The following SMS variants were observed in gnomAD, a reference collection of about 807,000 sequenced individuals.
The protein encoded by SMS is spermidine aminopropyltransferase.
Under a neutral mutation model 33.0 loss-of-function variants are expected in SMS, and 3 were observed. The observed-to-expected ratio is 0.09, with a 90% CI of 0.04 to 0.23. The LOEUF is 0.23. Among genes scored for constraint, SMS ranks in the 10% least tolerant of loss-of-function variants. SMS has a pLI of 1.00. For missense variants in SMS, 117 were observed against 288.6 expected, an observed-to-expected ratio of 0.41 and a Z score of 4.31; for synonymous variants, 103 against 112.2, an observed-to-expected ratio of 0.92 and a Z score of 0.52.
intron 10 of SMS, among the ~76,000 whole-genome samples, chrX:21,993,464 C>T (rs1193590432): frequency 8.9e-6 from 1 of 112,699 alleles, no homozygotes; most frequent in Non-Finnish European, 1.9e-5. Context: ...TGACGGCTTC[C>T]TTATCTGCTG....
intron 1 of SMS, among the ~76,000 whole-genome samples, chrX:21,943,832 TAG>T (rs1433193740): frequency 8.9e-6 from 1 of 111,797 alleles, no homozygotes; most frequent in Non-Finnish European, 1.9e-5. Context: ...ACTTAGTTTT[TAG>T]TAAGGGGAAC....
chrX:21,972,082 T>A, intron 3 of SMS, 92 bp downstream of exon 3: 1 of 638,562 alleles, frequency 1.6e-6, no homozygotes, highest in Non-Finnish European at 2.6e-6. Context: ...TTGCTTACTT[T>A]CCAGTTAATT....
intron 4 of SMS, among the ~76,000 whole-genome samples, chrX:21,976,538 A>G (rs1383178554): frequency 2.7e-5 from 3 of 109,139 alleles, no homozygotes; most frequent in Non-Finnish European, 5.7e-5. Flanking sequence ...TATCAGTGTC[A>G]TGAAACATAC....
chrX:21,982,055 C>T lies in SMS; in HGVS notation c.751-2249C>T, dbSNP rs781761298. ...CTGTAAAAAGTACCACAAGACAGGC[C>T]GGGCGCGGTGGCTCACACCTGTAAT... On this transcript the variant is annotated intron_variant, in intron 7 of 10. Transcript: ENST00000404933. 1.4e-3 allele frequency among the ~76,000 whole-genome samples: 154 copies of T among 110,043 alleles called. 1 individual carries two copies. Among genetic ancestry groups the T allele is most frequent in the Non-Finnish European group, 1.2e-3 (63 of 52,712 alleles).
chrX:21,972,423 A>G (rs928055419), intron 3 of SMS, 84 bp from the exon 4 acceptor site: 1 of 622,553 alleles, frequency 1.6e-6, no homozygotes, highest in African/African-American at 2.2e-5. Flanking sequence ...AGCTCTGTCA[A>G]CATGGCCTCA....
At chrX:21,957,611 T>C (rs1923060350) in intron 1 of SMS, among the ~76,000 whole-genome samples, 1 of 112,144 alleles carries the variant, frequency 8.9e-6, no homozygotes, top group East Asian at 2.8e-4. Context: ...TGGCTTTTTT[T>C]CCTCTGGGTA....
chrX:21,941,346 C>T (rs1249476491), intron 1 of SMS: 1 of 246,591 alleles, frequency 4.1e-6, no homozygotes, highest in African/African-American at 3.0e-5. Flanking sequence ...CCCGCGCGAC[C>T]TTTTCCTGTT....
chrX:21,962,852 A>G (rs961552670), intron 1 of SMS, among the ~76,000 whole-genome samples: 1 of 109,580 alleles, frequency 9.1e-6, no homozygotes, highest in African/African-American at 3.3e-5. Flanking sequence ...GACAGATTTT[A>G]CCACGTTGCC....
intron 2 of SMS, among the ~76,000 whole-genome samples, chrX:21,970,997 G>A (rs1443403738): frequency 9.1e-6 from 1 of 109,844 alleles, no homozygotes; most frequent in African/African-American, 3.3e-5. Context: ...AGGAGTTCAA[G>A]ACCCACCTGG....
At chrX:21,963,392 A>G (rs921735672) in intron 1 of SMS, among the ~76,000 whole-genome samples, 1 of 112,357 alleles carries the variant, frequency 8.9e-6, no homozygotes, top group East Asian at 2.8e-4. Context: ...GCACAAATGA[A>G]TAGGGCTTGT....
intron 2 of SMS, among the ~76,000 whole-genome samples, chrX:21,968,855 C>T (rs764857186): frequency 9.0e-5 from 10 of 111,588 alleles, no homozygotes; most frequent in Non-Finnish European, 1.7e-4. Context: ...CAAAATCTCA[C>T]GAATCAGCAC....
chrX:21,985,088 A>G, intron 8 of SMS, 56 bp from the exon 9 acceptor site: 1 of 738,316 alleles, frequency 1.4e-6, no homozygotes, highest in Non-Finnish European at 2.1e-6. Context: ...TTTACTTCAG[A>G]TGTTGTGGAT....
At chrX:21,983,660 C>G (rs1198619848) in intron 7 of SMS, among the ~76,000 whole-genome samples, 1 of 111,178 alleles carries the variant, frequency 9.0e-6, no homozygotes, top group Non-Finnish European at 1.9e-5. Flanking sequence ...TGAGAAATAA[C>G]ATGTTAATAG....
At position 21,984,268 on chromosome X, in the gene SMS, G is replaced by A. The variant is rs762024931; in HGVS notation, c.751-36G>A. The A allele has an allele frequency of 7.0e-6, 6 of 855,017 alleles. No individual in the cohort carries two copies. In the East Asian group the frequency reaches 1.6e-4, roughly 22 times the overall value. 70.5% of individuals were successfully genotyped at this position (855,017 alleles called of 1,213,427 possible). On this transcript the variant is annotated intron_variant, in intron 7 of 10. Transcript: ENST00000404933. ...GTTTTTTGTTTAACTACATCCACATGTTGGCTCACTCATCTATTCCTGTTC... is the reference window on the plus strand; with the variant it reads ...GTTTTTTGTTTAACTACATCCACATATTGGCTCACTCATCTATTCCTGTTC...
chrX:21,946,759 A>T (rs1181635423), intron 1 of SMS, among the ~76,000 whole-genome samples: 1 of 111,937 alleles, frequency 8.9e-6, no homozygotes, highest in Non-Finnish European at 1.9e-5. Flanking sequence ...TGACAGCCCA[A>T]AATGTCCATA....
At chrX:21,943,793 A>G (rs1569339410) in intron 1 of SMS, among the ~76,000 whole-genome samples, 1 of 111,707 alleles carries the variant, frequency 9.0e-6, no homozygotes, top group East Asian at 2.8e-4. Flanking sequence ...AAAAATAAAG[A>G]GATCCTGGCT....
At chrX:21,969,949 A>C (rs908783694) in intron 2 of SMS, among the ~76,000 whole-genome samples, 6 of 112,399 alleles carry the variant, frequency 5.3e-5, no homozygotes, top group African/African-American at 1.9e-4. Flanking sequence ...AAGTGGCTGG[A>C]ATTACAGGCA....
intron 1 of SMS, among the ~76,000 whole-genome samples, chrX:21,953,497 A>G (rs1177534619): frequency 1.8e-5 from 2 of 112,407 alleles, no homozygotes; most frequent in African/African-American, 6.5e-5. Flanking sequence ...GAGGAGAGAT[A>G]AGGCTCACTA....
At chrX:21,985,307 A>G in intron 9 of SMS, 84 bp downstream of exon 9, 1 of 578,073 alleles carries the variant, frequency 1.7e-6, no homozygotes, top group Non-Finnish European at 3.0e-6. Context: ...TGAAATGTAT[A>G]TCTATTAAGG....
Sources: allele counts gnomAD v4.1 joint callset (sites outside exome capture counted in the v4.1 genomes callset), GRCh38; gene constraint gnomAD v4.1.1; transcripts MANE v1.5; gene names NCBI Gene and HGNC (gene_info 2026-07-23, HGNC 2026-07-21).